The following ARHGEF4 variants were observed in gnomAD, a reference collection of about 807,000 sequenced individuals.
ARHGEF4 encodes Rho guanine nucleotide exchange factor 4.
ARHGEF4 carries 119 observed loss-of-function variants against 162.0 expected under a neutral mutation model. The observed-to-expected ratio is 0.73, with a 90% CI of 0.63 to 0.86. The LOEUF is 0.86. Among genes scored for constraint, ARHGEF4 ranks in the 40% least tolerant of loss-of-function variants. The probability of loss-of-function intolerance (pLI) is 0.00; values close to 1 mark genes in which losing one functional copy is unlikely to be tolerated. For missense variants in ARHGEF4, 2,488 were observed against 2,456.0 expected (o/e 1.01, Z -0.28); for synonymous variants, 1,014 against 979.9 (o/e 1.03, Z -0.65).
intron 1 of ARHGEF4, among the ~76,000 whole-genome samples, chr2:130,843,407 A>G (rs1055415319): frequency 5.9e-5 from 9 of 152,206 alleles, no homozygotes; most frequent in African/African-American, 1.9e-4. Flanking sequence ...GGTCTCCTGC[A>G]TGGTGGAGTG....
intron 4 of ARHGEF4, among the ~76,000 whole-genome samples, chr2:131,025,231 A>C (rs569291613): frequency 1.3e-5 from 2 of 152,300 alleles, no homozygotes; most frequent in East Asian, 3.9e-4. Context: ...AGCAGGAGAG[A>C]GAGTGAGCAA....
chr2:130,915,680 CA>C lies in ARHGEF4; in HGVS notation c.1735del (p.Arg579GlyfsTer56), dbSNP rs1188614557. ...EEAMVLDPNY[R>X]EQALQGLSEF... is the part of the protein sequence containing the mutation. ...AAGCCATGGTTCTAGACCCCAACTA[CA>C]GGGAACAGGCTTTGCAAGGTCTTTC... On this transcript the variant is annotated frameshift_variant, in exon 2 of 14. Transcript: ENST00000409359. LOFTEE classifies it high-confidence loss of function. The C allele has an allele frequency of 2.5e-5, 39 of 1,550,372 alleles. No individual in the cohort carries two copies. The highest frequency in any genetic ancestry group is 3.4e-5 in the Non-Finnish European group (39 of 1,146,982).
At chr2:130,994,770 T>C (rs1274057337) in intron 4 of ARHGEF4, among the ~76,000 whole-genome samples, 2 of 152,230 alleles carry the variant, frequency 1.3e-5, no homozygotes, top group Non-Finnish European at 2.9e-5. Flanking sequence ...CTTTCAGTGT[T>C]TGTTTTTGTT....
In ARHGEF4 at chr2:130,913,966, C is replaced by G. The variant is rs937814324; in HGVS notation, c.40-20C>G. On this transcript the variant is annotated intron_variant, in intron 1 of 13. Coordinates refer to ENST00000409359, the MANE Select transcript of ARHGEF4 (RefSeq NM_001367493.1). ...TGTACTCAGGCCTTGTCTCTGACTCCTCTCTTCTTGCCCTCCCAGACTCCA... is the reference window on the plus strand; with the variant it reads ...TGTACTCAGGCCTTGTCTCTGACTCGTCTCTTCTTGCCCTCCCAGACTCCA... The G allele has an allele frequency of 7.8e-6, 12 of 1,535,808 alleles. No homozygotes were observed. The highest frequency in any genetic ancestry group is 1.0e-5 in the Non-Finnish European group (12 of 1,146,840).
intron 1 of ARHGEF4, among the ~76,000 whole-genome samples, chr2:130,850,621 G>A (rs1036063): frequency 1.3e-5 from 2 of 152,246 alleles, no homozygotes; most frequent in Non-Finnish European, 2.9e-5. Context: ...TGGGAAGTAG[G>A]GCAGATTGTG....
intron 4 of ARHGEF4, among the ~76,000 whole-genome samples, chr2:130,954,039 C>T (rs933770396): frequency 9.9e-5 from 15 of 152,196 alleles, no homozygotes; most frequent in Non-Finnish European, 1.9e-4. Context: ...TTGACCCAGC[C>T]ATCCCATTAC....
rs145065534 is a variant in ARHGEF4 at position 130,841,601 on chromosome 2, G to A, written c.39+4609G>A. Among the ~76,000 whole-genome samples the A allele has an allele frequency of 8.5e-3, 1,286 of 152,178 alleles. 14 individuals carry two copies. Among genetic ancestry groups the A allele is most frequent in the African/African-American group, 0.029 (1,202 of 41,500 alleles). ...TCTCATCTGTAGAATTTCCACCAAC[G>A]GGAAGGTCTTCCGTCATCATCTCCA... is the stretch of plus-strand genomic sequence containing the variant. On this transcript the variant is annotated intron_variant, in intron 1 of 13. Coordinates refer to ENST00000409359, the MANE Select transcript of ARHGEF4 (RefSeq NM_001367493.1).
intron 4 of ARHGEF4, among the ~76,000 whole-genome samples, chr2:131,001,328 A>AAAAAAAAAAAG (rs1687752614): frequency 6.7e-6 from 1 of 150,342 alleles, no homozygotes; most frequent in African/African-American, 2.5e-5. Flanking sequence ...AAAAAAAAAA[A>AAAAAAAAAAAG]CAGAAAGAGC....
At chr2:131,016,165 C>G (rs1002028622) in intron 4 of ARHGEF4, among the ~76,000 whole-genome samples, 1 of 152,144 alleles carries the variant, frequency 6.6e-6, no homozygotes, top group Non-Finnish European at 1.5e-5. Context: ...CCCTTGCTAC[C>G]CTGACACCTC....
At chr2:130,987,293 G>A (rs891387509) in intron 4 of ARHGEF4, among the ~76,000 whole-genome samples, 37 of 152,200 alleles carry the variant, frequency 2.4e-4, no homozygotes, top group African/African-American at 7.5e-4. Context: ...TTTCTCCCTG[G>A]GGTCCTGGTG....
chr2:130,992,611 G>A (rs548323419), intron 4 of ARHGEF4, among the ~76,000 whole-genome samples: 1 of 151,854 alleles, frequency 6.6e-6, no homozygotes, highest in Admixed American at 6.6e-5. Context: ...CTCCAGACGC[G>A]CCACCTTAAG....
chr2:130,960,678 A>C (rs1245561292), intron 4 of ARHGEF4, among the ~76,000 whole-genome samples: 2 of 152,192 alleles, frequency 1.3e-5, no homozygotes, highest in African/African-American at 4.8e-5. Context: ...TAATAGTATC[A>C]GAAGTGGGCC....
intron 6 of ARHGEF4, 111 bp from the exon 7 acceptor site, chr2:131,039,905 C>G: frequency 6.8e-7 from 1 of 1,466,520 alleles, no homozygotes; most frequent in Non-Finnish European, 8.9e-7. Flanking sequence ...CAGCCCTGCG[C>G]CCCGTACACC....
intron 4 of ARHGEF4, among the ~76,000 whole-genome samples, chr2:130,990,319 T>C (rs1254237966): frequency 6.6e-6 from 1 of 151,948 alleles, no homozygotes; most frequent in Non-Finnish European, 1.5e-5. Context: ...TGGGCATTGG[T>C]AAAAAAGAAA....
chr2:130,992,877 G>T (rs1168489157), intron 4 of ARHGEF4, among the ~76,000 whole-genome samples: 3 of 152,150 alleles, frequency 2.0e-5, no homozygotes, highest in Non-Finnish European at 4.4e-5. Flanking sequence ...TGAGGCCAGG[G>T]ATTCGAGACC....
intron 2 of ARHGEF4, among the ~76,000 whole-genome samples, chr2:130,923,336 T>A (rs1441883712): frequency 1.3e-5 from 2 of 152,354 alleles, no homozygotes; most frequent in East Asian, 3.9e-4. Flanking sequence ...AATTACCTTC[T>A]TAAAAACTTT....
intron 4 of ARHGEF4, among the ~76,000 whole-genome samples, chr2:130,996,334 C>CT (rs1687392912): frequency 6.6e-6 from 1 of 152,192 alleles, no homozygotes; most frequent in Non-Finnish European, 1.5e-5. Context: ...TAGTAGCCGT[C>CT]TCGTGTCTTG....
At chr2:130,900,616 T>C (rs1680430861) in intron 1 of ARHGEF4, among the ~76,000 whole-genome samples, 1 of 152,224 alleles carries the variant, frequency 6.6e-6, no homozygotes, top group Non-Finnish European at 1.5e-5. Context: ...TAATTACTTA[T>C]TGAAGCAGTT....
chr2:130,945,663 C>T (rs1240522635), intron 3 of ARHGEF4, among the ~76,000 whole-genome samples: 2 of 152,190 alleles, frequency 1.3e-5, no homozygotes, highest in African/African-American at 4.8e-5. Context: ...AAACTCACCA[C>T]AGGATCAGTG....
Sources: gnomAD v4.1 joint callset for allele counts (sites outside exome capture counted in the v4.1 genomes callset) on GRCh38, gnomAD v4.1.1 for gene constraint, MANE v1.5 for transcripts, NCBI Gene and HGNC (gene_info 2026-07-23, HGNC 2026-07-21) for gene names.